Variants in PRP4K observed in about 807,000 individuals in gnomAD.
PRP4K encodes pre-mRNA processing factor kinase PRP4K, also known as serine/threonine-protein kinase PRP4 homolog.
the PRP4K span, chr6:4,040,997 T>G: frequency 9.1e-6 from 13 of 1,435,610 alleles, no homozygotes; most frequent in South Asian, 9.3e-5. Flanking sequence ...TGGAAATTGT[T>G]AAATAATATC....
chr6:4,023,945 A>C, the PRP4K span, among the ~76,000 whole-genome samples: 1 of 150,854 alleles, frequency 6.6e-6, no homozygotes. Context: ...TGGCTCACTG[A>C]AACCTTGGAC....
At chr6:4,044,384 T>C in the PRP4K span, among the ~76,000 whole-genome samples, 9 of 152,306 alleles carry the variant, frequency 5.9e-5, no homozygotes, top group African/African-American at 2.2e-4. Context: ...GTTTCCACTT[T>C]TTGGTTACCC....
chr6:4,021,744 G>GGCGGCTGCC, the PRP4K span, among the ~76,000 whole-genome samples: 1 of 152,210 alleles, frequency 6.6e-6, no homozygotes, highest in Non-Finnish European at 1.5e-5. Flanking sequence ...CGGTGCGCGT[G>GGCGGCTGCC]GCGGCTGCCG....
chr6:4,050,850 G>T, the PRP4K span, among the ~76,000 whole-genome samples: 1 of 152,134 alleles, frequency 6.6e-6, no homozygotes, highest in Non-Finnish European at 1.5e-5. Flanking sequence ...ATAACCAAGT[G>T]TTAAAATTTG....
the PRP4K span, among the ~76,000 whole-genome samples, chr6:4,046,232 A>G: frequency 1.3e-4 from 20 of 152,342 alleles, no homozygotes; most frequent in African/African-American, 4.8e-4. Flanking sequence ...CTCTTTTATA[A>G]GGGTTGTACC....
the PRP4K span, among the ~76,000 whole-genome samples, chr6:4,051,355 C>G: frequency 6.6e-6 from 1 of 151,874 alleles, no homozygotes; most frequent in South Asian, 2.1e-4. Context: ...CTCTTGTTGC[C>G]CAGGCTGGCG....
At chr6:4,056,828 C>G in the PRP4K span, 2 of 1,138,344 alleles carry the variant, frequency 1.8e-6, no homozygotes, top group Non-Finnish European at 2.4e-6. Context: ...TAAGTTCCTC[C>G]CCTACACCTC....
chr6:4,033,347 A>C, the PRP4K span, among the ~76,000 whole-genome samples: 1 of 152,232 alleles, frequency 6.6e-6, no homozygotes, highest in Non-Finnish European at 1.5e-5. Context: ...TAGTATATGA[A>C]ATTATTTTGT....
chr6:4,056,332 C>T, the PRP4K span: 1 of 1,611,592 alleles, frequency 6.2e-7, no homozygotes, highest in Non-Finnish European at 8.5e-7. Flanking sequence ...TTAATGAATC[C>T]AAAACTATTT....
At chr6:4,040,709 A>G in the PRP4K span, 19 of 1,519,710 alleles carry the variant, frequency 1.3e-5, no homozygotes, top group Middle Eastern at 2.2e-4. Flanking sequence ...GTGCCCACAC[A>G]TGCATGCCTT....
the PRP4K span, among the ~76,000 whole-genome samples, chr6:4,033,328 TA>T: frequency 1.3e-5 from 2 of 152,186 alleles, no homozygotes; most frequent in African/African-American, 4.8e-5. Flanking sequence ...CTCTTAAGCT[TA>T]AGAAGAATAG....
the PRP4K span, among the ~76,000 whole-genome samples, chr6:4,039,326 G>A: frequency 1.6e-4 from 25 of 152,178 alleles, no homozygotes; most frequent in Non-Finnish European, 4.4e-5. Flanking sequence ...TGGGCTATGA[G>A]TTTTCCGGAA....
At chr6:4,034,742 CTTGCTCTG>C in the PRP4K span, among the ~76,000 whole-genome samples, 2 of 151,572 alleles carry the variant, frequency 1.3e-5, no homozygotes, top group African/African-American at 2.4e-5. Context: ...GAGATGGGGT[CTTGCTCTG>C]TTGCCAGGCT....
At chr6:4,046,418 T>C in the PRP4K span, among the ~76,000 whole-genome samples, 3 of 152,170 alleles carry the variant, frequency 2.0e-5, no homozygotes. Flanking sequence ...TTAAAGCGAC[T>C]GGATTTTTTT....
At chr6:4,057,350 A>G in the PRP4K span, among the ~76,000 whole-genome samples, 1 of 152,232 alleles carries the variant, frequency 6.6e-6, no homozygotes, top group Non-Finnish European at 1.5e-5. Flanking sequence ...GGTGTTTTAA[A>G]TTAGTGGTTC....
chr6:4,025,990 C>T, the PRP4K span, among the ~76,000 whole-genome samples: 2 of 152,064 alleles, frequency 1.3e-5, no homozygotes, highest in Non-Finnish European at 2.9e-5. Flanking sequence ...CAGCTTTAGA[C>T]AACTTTTATA....
At chr6:4,047,665 G>A in the PRP4K span, among the ~76,000 whole-genome samples, 4 of 152,140 alleles carry the variant, frequency 2.6e-5, no homozygotes, top group African/African-American at 9.7e-5. Flanking sequence ...TGAAGAATTG[G>A]AAATGTTATA....
the PRP4K span, chr6:4,032,645 T>G: frequency 1.2e-6 from 2 of 1,614,056 alleles, no homozygotes; most frequent in Non-Finnish European, 1.7e-6. Context: ...ATAGAAGATC[T>G]AAGCAGAGCA....
the PRP4K span, among the ~76,000 whole-genome samples, chr6:4,022,026 C>G: frequency 6.6e-6 from 1 of 152,134 alleles, no homozygotes; most frequent in Non-Finnish European, 1.5e-5. Flanking sequence ...ATCTCGTCAC[C>G]TTGTACTCTT....
Sources: allele counts gnomAD v4.1 joint callset (sites outside exome capture counted in the v4.1 genomes callset), GRCh38; gene constraint gnomAD v4.1.1; transcripts MANE v1.5; gene names NCBI Gene and HGNC (gene_info 2026-07-23, HGNC 2026-07-21).